Variants in BRIP1 observed in about 807,000 individuals in gnomAD.
BRIP1 encodes the protein Fanconi anemia group J protein.
In BRIP1, 88 loss-of-function variants were observed where a neutral mutation model predicts 119.7. The observed-to-expected ratio is 0.74, with a 90% CI of 0.62 to 0.88. BRIP1 has a LOEUF of 0.88. Among genes scored for constraint, BRIP1 ranks in the 40% least tolerant of loss-of-function variants. The pLI is 0.00. For synonymous variants in BRIP1, 443 were observed against 496.5 expected (o/e 0.89, Z 1.43); for missense variants, 1,259 against 1,455.4 (o/e 0.87, Z 2.20).
rs543601160 is a variant in BRIP1 at position 61,738,630 on chromosome 17, T to C, written c.2379+4383A>G. On this transcript the variant is annotated intron_variant, in intron 16 of 19. Coordinates refer to ENST00000259008, the MANE Select transcript of BRIP1 (RefSeq NM_032043.3). The surrounding 1 kb of genome is among the most constrained non-coding windows in gnomAD (Gnocchi z 4.2). The stretch of plus-strand genomic sequence containing the variant: ...AATTTATCCTGAGGAAAAAAAGCAT[T>C]AAGAACCCCAGATTGGTATAATAAC... Among the ~76,000 whole-genome samples the C allele has an allele frequency of 1.7e-4, 26 of 152,248 alleles. No homozygotes were observed. Among genetic ancestry groups the C allele is most frequent in the African/African-American group, 6.3e-4 (26 of 41,550 alleles).
intron 19 of BRIP1, chr17:61,685,131 C>T (rs1401562376): frequency 1.3e-5 from 2 of 152,190 alleles, no homozygotes; most frequent in African/African-American, 4.8e-5. Context: ...TCTGTTGCGA[C>T]TACTCAATTA....
In BRIP1 at chr17:61,842,000, C is replaced by T. The variant is rs12452044; in HGVS notation, c.627+5101G>A. Among the ~76,000 whole-genome samples, 27,780 of 152,022 alleles carry T rather than the reference C, an allele frequency of 0.18. 3,022 individuals are homozygous for T. Among genetic ancestry groups the T allele is most frequent in the Admixed American group, 0.3 (4,589 of 15,260 alleles). The stretch of plus-strand genomic sequence containing the variant: ...CCAGCCAACACCATGTTTATTGCAG[C>T]GCTATTCATAATAGACAAGGAGTTG... On this transcript the variant is annotated intron_variant, in intron 6 of 19. Transcript: ENST00000259008. The surrounding 1 kb of genome is among the most constrained non-coding windows in gnomAD (Gnocchi z 4.1).
At position 61,696,198 on chromosome 17, in the gene BRIP1, C is replaced by CT. The variant is rs56672402; in HGVS notation, c.2493-2687dup. The stretch of plus-strand genomic sequence containing the variant: ...AAAATGTGTTGAATACTGTTTTATG[C>CT]TTTTTTTTTTTTTTTGCATCTTGAG... On this transcript the variant is annotated intron_variant, in intron 17 of 19. Transcript: ENST00000259008. Among the ~76,000 whole-genome samples the CT allele has an allele frequency of 3.0e-3, 412 of 136,916 alleles. 2 individuals are homozygous for CT. Among genetic ancestry groups the CT allele is most frequent in the African/African-American group, 5.9e-3 (221 of 37,290 alleles). The allele number at this position is 136,916 out of a possible 152,430, so 89.8% of individuals were successfully genotyped here. A position where few individuals can be genotyped will look rare whatever the true frequency, so the allele number is the denominator to read the frequency against.
intron 16 of BRIP1, among the ~76,000 whole-genome samples, chr17:61,733,270 TC>T (rs1186374815): frequency 6.6e-6 from 1 of 152,186 alleles, no homozygotes; most frequent in Non-Finnish European, 1.5e-5. Flanking sequence ...GAGTCTGTAA[TC>T]CCAGCTGCTC....
Position 61,853,820 on chromosome 17 carries a change from A to C in BRIP1, c.379+3238T>G, listed in dbSNP as rs1000718679. Among the ~76,000 whole-genome samples the C allele has an allele frequency of 2.0e-5, 3 of 152,262 alleles. No individual in the cohort carries two copies. Among genetic ancestry groups the C allele is most frequent in the Admixed American group, 2.0e-4 (3 of 15,288 alleles). On this transcript the variant is annotated intron_variant, in intron 4 of 19. Coordinates refer to ENST00000259008, the MANE Select transcript of BRIP1 (RefSeq NM_032043.3). The surrounding 1 kb of genome is among the most constrained non-coding windows in gnomAD (Gnocchi z 4.3). ...GACTTGTATTCAAAATGTTTAAAGA[A>C]GTCTCAAAATTTAACAGTAAGAACA... is the stretch of plus-strand genomic sequence containing the variant.
intron 6 of BRIP1, among the ~76,000 whole-genome samples, chr17:61,826,498 C>T (rs982837491): frequency 2.6e-5 from 4 of 152,042 alleles, no homozygotes; most frequent in Admixed American, 2.6e-4. Flanking sequence ...AACTATGCAT[C>T]TGACAAAGGT....
Position 61,825,070 on chromosome 17 carries a change from G to T in BRIP1, c.628-16313C>A, listed in dbSNP as rs1349278691. 6.6e-6 allele frequency among the ~76,000 whole-genome samples: 1 copy of T among 152,132 alleles called. No homozygotes were observed. Among genetic ancestry groups the T allele is most frequent in the African/African-American group, 2.4e-5 (1 of 41,426 alleles). ...GGAGGCTGAGGCAGGCGGATCGCAA[G>T]GTCAGGAGATCGAGACCATCCTAGC... On this transcript the variant is annotated intron_variant, in intron 6 of 19. Coordinates refer to ENST00000259008, the MANE Select transcript of BRIP1 (RefSeq NM_032043.3). This position sits in a 1 kb window ranked among gnomAD's most constrained non-coding sequence, Gnocchi z 4.1.
intron 6 of BRIP1, among the ~76,000 whole-genome samples, chr17:61,840,612 A>G (rs909824906): frequency 9.9e-5 from 15 of 152,112 alleles, no homozygotes; most frequent in Non-Finnish European, 2.1e-4. Flanking sequence ...CCTTGTCTCT[A>G]AAAAAGTTAA....
chr17:61,684,529 T>G lies in BRIP1; in HGVS notation c.2906-389A>C, dbSNP rs140853023. On this transcript the variant is annotated intron_variant, in intron 19 of 19. Transcript: ENST00000259008. The surrounding 1 kb of genome is among the most constrained non-coding windows in gnomAD (Gnocchi z 4.5). ...AACTTACCTAGACTAATTCTTTTAT[T>G]TAATAAATAAGGAAAGTGACATAAG... Among the ~76,000 whole-genome samples, 75 of 152,250 alleles carry G rather than the reference T, an allele frequency of 4.9e-4. No homozygotes were observed. In the East Asian group the frequency reaches 0.014, roughly 27 times the overall value.
chr17:61,683,140 A>T lies in BRIP1; in HGVS notation c.*156T>A. On this transcript the variant is annotated 3_prime_UTR_variant, in exon 20 of 20. Coordinates refer to ENST00000259008, the MANE Select transcript of BRIP1 (RefSeq NM_032043.3). This position sits in a 1 kb window ranked among gnomAD's most constrained non-coding sequence, Gnocchi z 4.7. ...ACCAAGACTCTGTCTCAAAAAAAAA[A>T]ACCCAAAAACTCAAGAATAATAACA... 3.1e-6 allele frequency: 3 copies of T among 979,344 alleles called. No individual in the cohort carries two copies. The highest frequency in any genetic ancestry group is 4.4e-6 in the Non-Finnish European group (3 of 682,322). The allele number at this position is 979,344 out of a possible 1,614,324, so 60.7% of individuals were successfully genotyped here.
chr17:61,733,039 T>C (rs1351982591), intron 16 of BRIP1, among the ~76,000 whole-genome samples: 4 of 152,236 alleles, frequency 2.6e-5, no homozygotes, highest in African/African-American at 9.6e-5. Flanking sequence ...AAGGGATTTA[T>C]AAATCTATTC....
In BRIP1 at chr17:61,725,122, A is replaced by AGTGTGT. The variant is rs57246896; in HGVS notation, c.2380-9065_2380-9060dup. On this transcript the variant is annotated intron_variant, in intron 16 of 19. Transcript: ENST00000259008. This position sits in a 1 kb window ranked among gnomAD's most constrained non-coding sequence, Gnocchi z 5.3. ...AGATTTCTGACACAGTTAACCAAATAGTGTGTGTGTGTGTGTGTGTGTGTA... is the reference window on the plus strand; with the variant it reads ...AGATTTCTGACACAGTTAACCAAATAGTGTGTGTGTGTGTGTGTGTGTGTGTGTGTA... 3.9e-4 allele frequency among the ~76,000 whole-genome samples: 59 copies of AGTGTGT among 151,272 alleles called. No individual in the cohort carries two copies. Among genetic ancestry groups the AGTGTGT allele is most frequent in the African/African-American group, 1.4e-3 (59 of 41,194 alleles).
intron 6 of BRIP1, among the ~76,000 whole-genome samples, chr17:61,826,458 A>G (rs563837032): frequency 6.6e-6 from 1 of 152,298 alleles, no homozygotes; most frequent in South Asian, 2.1e-4. Flanking sequence ...GTAAACAGAC[A>G]ACCTACAGAA....
rs745538760 is a variant in BRIP1 at position 61,756,063 on chromosome 17, C to A, written c.2098-11472G>T. Among the ~76,000 whole-genome samples, 1 of 152,068 alleles carries A rather than the reference C, an allele frequency of 6.6e-6. No homozygotes were observed. Among genetic ancestry groups the A allele is most frequent in the African/African-American group, 2.4e-5 (1 of 41,408 alleles). On this transcript the variant is annotated intron_variant, in intron 14 of 19. Transcript: ENST00000259008. The surrounding 1 kb of genome is among the most constrained non-coding windows in gnomAD (Gnocchi z 4.3). ...TTAAGGATTACACAGGGGCTACATG[C>A]AAATTTGGAGTACAATTCTATAGCA...
chr17:61,813,131 T>C (rs1254439093), intron 6 of BRIP1, among the ~76,000 whole-genome samples: 2 of 151,916 alleles, frequency 1.3e-5, no homozygotes, highest in East Asian at 3.9e-4. Flanking sequence ...CAAAGGAGAC[T>C]ACAAATTGAA....
In BRIP1 at chr17:61,756,668, C is replaced by A. The variant is rs1362705412; in HGVS notation, c.2098-12077G>T. 6.6e-6 allele frequency among the ~76,000 whole-genome samples: 1 copy of A among 152,134 alleles called. No homozygotes were observed. The highest frequency in any genetic ancestry group is 2.4e-5 in the African/African-American group (1 of 41,420). On this transcript the variant is annotated intron_variant, in intron 14 of 19. Coordinates refer to ENST00000259008, the MANE Select transcript of BRIP1 (RefSeq NM_032043.3). The surrounding 1 kb of genome is among the most constrained non-coding windows in gnomAD (Gnocchi z 4.3). Reference sequence around the variant, plus strand: ...AGGGAGGGAATAAGTTAGAATGCAACCTAGTGGGGAAATCCTGCATTTGCT... The same window carrying A: ...AGGGAGGGAATAAGTTAGAATGCAAACTAGTGGGGAAATCCTGCATTTGCT...
intron 6 of BRIP1, among the ~76,000 whole-genome samples, chr17:61,829,313 A>G (rs1295230791): frequency 6.6e-6 from 1 of 152,154 alleles, no homozygotes; most frequent in Admixed American, 6.5e-5. Context: ...GCCAAAATAG[A>G]TCTCAGAACA....
chr17:61,721,325 A>G (rs1301359465), intron 16 of BRIP1, among the ~76,000 whole-genome samples: 1 of 137,866 alleles, frequency 7.3e-6, no homozygotes, highest in Non-Finnish European at 1.5e-5. Context: ...GCCGGAGTGC[A>G]GTGGCGCGAT....
chr17:61,769,145 G>C lies in BRIP1; in HGVS notation c.2097+7256C>G, dbSNP rs1246662228. Among the ~76,000 whole-genome samples, 1 of 152,138 alleles carries C rather than the reference G, an allele frequency of 6.6e-6. No individual in the cohort carries two copies. Among genetic ancestry groups the C allele is most frequent in the Admixed American group, 6.5e-5 (1 of 15,272 alleles). On this transcript the variant is annotated intron_variant, in intron 14 of 19. Coordinates refer to ENST00000259008, the MANE Select transcript of BRIP1 (RefSeq NM_032043.3). This position sits in a 1 kb window ranked among gnomAD's most constrained non-coding sequence, Gnocchi z 4.9. ...GACCCTGGAAGCTAATCTTTCCCCA[G>C]TCAAGCCTTTAGTGAGACCACAACC...
Sources: gnomAD v4.1 joint callset for allele counts (sites outside exome capture counted in the v4.1 genomes callset) on GRCh38, gnomAD v4.1.1 for gene constraint, Gnocchi (gnomAD v3.1) non-coding constraint, MANE v1.5 for transcripts, NCBI Gene and HGNC (gene_info 2026-07-23, HGNC 2026-07-21) for gene names.